The following KIAA1671 variants were observed in gnomAD, a reference collection of about 807,000 sequenced individuals.
KIAA1671 encodes the protein KIAA1671.
A neutral mutation model predicts 131.2 loss-of-function variants in KIAA1671; 52 were observed. The ratio of observed to expected loss-of-function variants is 0.40; its 90% CI spans 0.32 to 0.50. The LOEUF is 0.50. Among genes scored for constraint, KIAA1671 ranks in the 20% least tolerant of loss-of-function variants. The pLI, the probability that KIAA1671 is intolerant of heterozygous loss-of-function variation, is 0.73. For synonymous variants in KIAA1671, 1,003 were observed against 961.6 expected, an observed-to-expected ratio of 1.04 and a Z score of -0.80; for missense variants, 2,360 against 2,364.2, an observed-to-expected ratio of 1.00 and a Z score of 0.04.
At chr22:25,111,374 G>A (rs1008628162) in intron 6 of KIAA1671, among the ~76,000 whole-genome samples, 1 of 152,188 alleles carries the variant, frequency 6.6e-6, no homozygotes, top group Admixed American at 6.5e-5. Flanking sequence ...GGACTTGGGG[G>A]AGAAAAAAAT....
rs2145819659 is a variant in KIAA1671, at chr22:25,049,264, C to T, written c.4430C>T (p.Pro1477Leu). ...CGGGACCTGGAGAAGGAGGATGCCC[C>T]CCAGGAGAAGGAGCGACCGCTCCAG... is the stretch of plus-strand genomic sequence containing the variant. ...LPRDLEKEDA[P>L]QEKERPLQQV... The change falls in exon 6 of 13, where the codon CCC (proline) becomes CTC (leucine). Residue 1477 changes from proline to leucine, a missense_variant. By Grantham distance (98) the Pro-to-Leu change is moderately conservative. Around this residue, in one of 3 missense-constraint regions of KIAA1671, gnomAD observed 1,161 missense variants for 1,204.7 expected, o/e 0.96. Transcript: ENST00000358431. 2 of 1,552,008 alleles carry T rather than the reference C, an allele frequency of 1.3e-6. No individual in the cohort carries two copies. Among genetic ancestry groups the T allele is most frequent in the Non-Finnish European group, 8.7e-7 (1 of 1,147,014 alleles).
intron 6 of KIAA1671, chr22:25,053,648 C>T (rs1927669071): frequency 6.6e-6 from 1 of 152,184 alleles, no homozygotes; most frequent in East Asian, 1.9e-4. Context: ...CCGTCAGCCT[C>T]CTGGAGTTCA....
chr22:25,021,784 G>T (rs1425397067), intron 1 of KIAA1671, among the ~76,000 whole-genome samples: 1 of 151,822 alleles, frequency 6.6e-6, no homozygotes, highest in Non-Finnish European at 1.5e-5. Flanking sequence ...TCCGTTCCTG[G>T]CTCTTTTTCA....
At chr22:25,006,163 C>G (rs936292131) in intron 1 of KIAA1671, among the ~76,000 whole-genome samples, 1 of 152,108 alleles carries the variant, frequency 6.6e-6, no homozygotes, top group Admixed American at 6.6e-5. Flanking sequence ...TCCCGAGTAG[C>G]TGGGACTACA....
intron 5 of KIAA1671, among the ~76,000 whole-genome samples, chr22:25,042,877 C>T (rs1330549698): frequency 6.6e-6 from 1 of 152,158 alleles, no homozygotes; most frequent in Non-Finnish European, 1.5e-5. Flanking sequence ...GCACATCTCA[C>T]TGGGGACCCC....
chr22:25,094,160 CAG>C (rs1056910498), intron 6 of KIAA1671, among the ~76,000 whole-genome samples: 6 of 152,136 alleles, frequency 3.9e-5, no homozygotes, highest in African/African-American at 9.7e-5. Context: ...AAGCTCCAAA[CAG>C]GGCATTTTCT....
In KIAA1671 at chr22:25,039,816, G is replaced by A. The variant is rs1926813512; in HGVS notation, c.2686G>A (p.Asp896Asn). Residue 896 changes from aspartate (D) to asparagine (N), a missense_variant, in exon 5 of 13, where the codon GAC becomes AAC. Physicochemically the swap from Asp to Asn is conservative, Grantham distance 23 (BLOSUM62 1). Around this residue, in one of 3 missense-constraint regions of KIAA1671, gnomAD observed 1,161 missense variants for 1,204.7 expected, o/e 0.96. Coordinates refer to ENST00000358431, the MANE Select transcript of KIAA1671 (RefSeq NM_001145206.2). ...TTCCAGGGCTACGAATGGGCCTTCT[G>A]ACTCCCAAGCACGAACACATCCAGA... ...PLSRATNGPS[D>N]SQARTHPDAF... The A allele has an allele frequency of 6.5e-7, 1 of 1,529,296 alleles. No homozygotes were observed. Among genetic ancestry groups the A allele is most frequent in the South Asian group, 1.2e-5 (1 of 81,312 alleles). The allele number at this position is 1,529,296 out of a possible 1,614,324, so 94.7% of individuals were successfully genotyped here.
At chr22:25,018,077 A>G (rs1925435189) in intron 1 of KIAA1671, among the ~76,000 whole-genome samples, 1 of 149,326 alleles carries the variant, frequency 6.7e-6, no homozygotes, top group African/African-American at 2.5e-5. Context: ...CTCAGTTGCG[A>G]TACCTTCTCT....
intron 1 of KIAA1671, among the ~76,000 whole-genome samples, chr22:25,017,153 T>G (rs1200528442): frequency 4.0e-5 from 6 of 151,850 alleles, no homozygotes; most frequent in Non-Finnish European, 1.5e-5. Context: ...GAGGCTGAGG[T>G]GGGTGGATCA....
At chr22:25,088,962 T>C (rs1275227005) in intron 6 of KIAA1671, among the ~76,000 whole-genome samples, 1 of 152,204 alleles carries the variant, frequency 6.6e-6, no homozygotes, top group East Asian at 1.9e-4. Flanking sequence ...CAACCAACCA[T>C]AGATCAAAAA....
At chr22:25,043,345 C>T (rs1428956748) in intron 5 of KIAA1671, among the ~76,000 whole-genome samples, 1 of 152,180 alleles carries the variant, frequency 6.6e-6, no homozygotes, top group Non-Finnish European at 1.5e-5. Flanking sequence ...AGTGCTGACA[C>T]TACCTACTGC....
chr22:25,117,860 G>A (rs1931755545), intron 6 of KIAA1671, among the ~76,000 whole-genome samples: 1 of 151,946 alleles, frequency 6.6e-6, no homozygotes. Flanking sequence ...TCAGCAGTCG[G>A]CCGGGTGTGG....
intron 5 of KIAA1671, among the ~76,000 whole-genome samples, chr22:25,044,093 C>T (rs1927094202): frequency 6.6e-6 from 1 of 152,082 alleles, no homozygotes; most frequent in African/African-American, 2.4e-5. Flanking sequence ...ATGTCTGTTC[C>T]CAAGAGGCCA....
At position 25,170,869 on chromosome 22, in the gene KIAA1671, C is replaced by G; in HGVS notation, c.4580C>G (p.Thr1527Ser). ...CGGCAGCCCACTGAACCCAAGGACA[C>G]TGACACCCTCGTGCACGAAGCCGGC... The part of the protein sequence containing the change: ...FSRQPTEPKD[T>S]DTLVHEAGSQ... Residue 1527 changes from threonine to serine, a missense_variant, in exon 7 of 13, where the codon ACT (threonine) becomes AGT (serine). By Grantham distance (58) the Thr-to-Ser change is moderately conservative (BLOSUM62 1). Transcript: ENST00000358431. 1 of 1,551,678 alleles carries G rather than the reference C, an allele frequency of 6.4e-7. No individual in the cohort carries two copies. Among genetic ancestry groups the G allele is most frequent in the South Asian group, 1.2e-5 (1 of 84,058 alleles).
intron 6 of KIAA1671, among the ~76,000 whole-genome samples, chr22:25,146,373 T>G (rs764911858): frequency 6.6e-6 from 1 of 152,220 alleles, no homozygotes; most frequent in Admixed American, 6.5e-5. Context: ...GCACTTCTTT[T>G]GTTTTTTGTT....
intron 6 of KIAA1671, among the ~76,000 whole-genome samples, chr22:25,145,476 T>C (rs1041350556): frequency 6.6e-6 from 1 of 152,208 alleles, no homozygotes; most frequent in East Asian, 1.9e-4. Flanking sequence ...ACATTTGGGA[T>C]TGGGGAAGAC....
At chr22:25,184,314 G>A (rs545256791) in intron 10 of KIAA1671, among the ~76,000 whole-genome samples, 41 of 152,318 alleles carry the variant, frequency 2.7e-4, no homozygotes, top group African/African-American at 8.9e-4. Flanking sequence ...CACATGGAAC[G>A]AACTCACATT....
chr22:25,017,858 T>C (rs1223012378), intron 1 of KIAA1671, among the ~76,000 whole-genome samples: 2 of 152,190 alleles, frequency 1.3e-5, no homozygotes, highest in South Asian at 2.1e-4. Flanking sequence ...TAACAAGTGT[T>C]ACATGTGCCC....
intron 6 of KIAA1671, among the ~76,000 whole-genome samples, chr22:25,169,946 T>C (rs1231518232): frequency 1.3e-5 from 2 of 152,010 alleles, no homozygotes; most frequent in Non-Finnish European, 2.9e-5. Flanking sequence ...TGAGATGGAG[T>C]GTCTCTCTGT....
Sources: gnomAD v4.1 joint callset for allele counts (sites outside exome capture counted in the v4.1 genomes callset) on GRCh38, gnomAD v4.1.1 for gene constraint, gnomAD v4.1.1 regional missense constraint, MANE v1.5 for transcripts, NCBI Gene and HGNC (gene_info 2026-07-23, HGNC 2026-07-21) for gene names.